FGF14: variants seen among roughly 807,000 people sequenced by gnomAD.
FGF14 encodes fibroblast growth factor homologous factor 4.
Under a neutral mutation model 25.5 loss-of-function variants are expected in FGF14, and 5 were observed. That is an observed-to-expected ratio of 0.20 (90% CI 0.10 to 0.41). The LOEUF (loss-of-function observed/expected upper bound fraction) is 0.41. Ranked by LOEUF, FGF14 falls within the 10% of genes least tolerant of loss-of-function variation. The pLI is 1.00. For missense variants in FGF14, 222 were observed against 320.1 expected (o/e 0.69, Z 2.34); for synonymous variants, 138 against 118.3 (o/e 1.17, Z -1.08).
intron 1 of FGF14, among the ~76,000 whole-genome samples, chr13:102,381,219 C>T (rs749714033): frequency 3.9e-5 from 6 of 152,178 alleles, no homozygotes; most frequent in Non-Finnish European, 8.8e-5. Flanking sequence ...AAGTCAGCAA[C>T]CATCTGTACA....
chr13:101,799,200 C>CT (rs1279510604), intron 3 of FGF14, among the ~76,000 whole-genome samples: 3 of 152,026 alleles, frequency 2.0e-5, no homozygotes, highest in Admixed American at 6.6e-5. Context: ...AGGTTGGAGA[C>CT]TTTTTTTCTC....
chr13:101,837,911 T>A (rs996717999), intron 3 of FGF14, among the ~76,000 whole-genome samples: 1 of 151,940 alleles, frequency 6.6e-6, no homozygotes, highest in Non-Finnish European at 1.5e-5. Flanking sequence ...CACTATCTAA[T>A]CAGTGGCCAG....
At chr13:102,063,281 A>T (rs552718497) in intron 1 of FGF14, among the ~76,000 whole-genome samples, 2 of 152,216 alleles carry the variant, frequency 1.3e-5, no homozygotes, top group Non-Finnish European at 2.9e-5. Context: ...ATTCCTATTT[A>T]TAACATCTAA....
At position 101,711,880 on chromosome 13, in the gene FGF14, A is replaced by T. The variant is rs1594001628; in HGVS notation, c.*10951T>A. ...GTGGTGATGAACTATCTGCCCTAAA[A>T]CTCCTGCCAAGATCAGCCAGCTGTT... On this transcript the variant is annotated 3_prime_UTR_variant, in exon 5 of 5. Coordinates refer to ENST00000376143, the MANE Select transcript of FGF14 (RefSeq NM_004115.4). 1 of 151,686 alleles carries T rather than the reference A, an allele frequency of 6.6e-6. No homozygotes were observed. The highest frequency in any genetic ancestry group is 1.5e-5 in the Non-Finnish European group (1 of 67,994). 9.4% of individuals were successfully genotyped at this position (151,686 alleles called of 1,614,324 possible).
intron 1 of FGF14, among the ~76,000 whole-genome samples, chr13:102,048,581 T>C (rs962679431): frequency 1.3e-5 from 2 of 152,156 alleles, no homozygotes; most frequent in Non-Finnish European, 2.9e-5. Flanking sequence ...AATCCAGAAT[T>C]AAGTTTCCAC....
chr13:102,006,253 T>C (rs1198991057), intron 1 of FGF14, among the ~76,000 whole-genome samples: 12 of 152,214 alleles, frequency 7.9e-5, no homozygotes, highest in Non-Finnish European at 1.8e-4. Flanking sequence ...AGAAAAATTG[T>C]TACAAAAAAC....
At chr13:102,333,576 T>C (rs970047211) in intron 1 of FGF14, among the ~76,000 whole-genome samples, 1 of 152,130 alleles carries the variant, frequency 6.6e-6, no homozygotes, top group African/African-American at 2.4e-5. Context: ...ACAAAGGCAA[T>C]GTCAGAGATA....
intron 3 of FGF14, among the ~76,000 whole-genome samples, chr13:101,801,228 T>C (rs940073724): frequency 4.6e-5 from 7 of 152,172 alleles, no homozygotes; most frequent in African/African-American, 1.7e-4. Flanking sequence ...AGGAAAGCTA[T>C]GAGGAACCAT....
intron 1 of FGF14, among the ~76,000 whole-genome samples, chr13:101,965,260 A>AAAC (rs1555329388): frequency 3.2e-4 from 49 of 150,782 alleles, no homozygotes; most frequent in Admixed American, 8.0e-4. Flanking sequence ...AAAAAAAAAA[A>AAAC]ACCTCCTCTT....
chr13:101,990,110 A>C (rs2038814531), intron 1 of FGF14, among the ~76,000 whole-genome samples: 1 of 152,156 alleles, frequency 6.6e-6, no homozygotes, highest in African/African-American at 2.4e-5. Context: ...ACAAACAAGA[A>C]AAACTCTAAT....
chr13:101,975,539 T>G (rs9585824), intron 1 of FGF14, among the ~76,000 whole-genome samples: 54,286 of 152,070 alleles, frequency 0.36, 10,332 homozygotes, highest in South Asian at 0.43. Flanking sequence ...CTCTGTTACA[T>G]GGTTTACCTG....
At chr13:102,032,137 C>A (rs966853939) in intron 1 of FGF14, among the ~76,000 whole-genome samples, 1 of 152,098 alleles carries the variant, frequency 6.6e-6, no homozygotes, top group African/African-American at 2.4e-5. Flanking sequence ...CTCCTCAGAC[C>A]AAACAGCCTG....
At chr13:102,093,541 T>C (rs529724465) in intron 1 of FGF14, among the ~76,000 whole-genome samples, 2 of 152,308 alleles carry the variant, frequency 1.3e-5, no homozygotes, top group South Asian at 4.1e-4. Context: ...GAGCAGGTCA[T>C]AACCCTGGTA....
chr13:101,938,665 C>A (rs1476808803), intron 1 of FGF14, among the ~76,000 whole-genome samples: 1 of 152,110 alleles, frequency 6.6e-6, no homozygotes, highest in East Asian at 1.9e-4. Flanking sequence ...CAAAGCTAAG[C>A]ACATTTTTAA....
chr13:102,256,140 G>A (rs926427270), intron 1 of FGF14, among the ~76,000 whole-genome samples: 28 of 152,034 alleles, frequency 1.8e-4, no homozygotes, highest in Admixed American at 5.9e-4. Flanking sequence ...ATAAAGGGAT[G>A]GTATGAGTTG....
intron 1 of FGF14, among the ~76,000 whole-genome samples, chr13:102,154,501 G>C (rs2047231330): frequency 6.6e-6 from 1 of 152,114 alleles, no homozygotes; most frequent in African/African-American, 2.4e-5. Flanking sequence ...TGCCCTAAAA[G>C]AGCTCCTGAA....
At chr13:101,771,885 CAAGTT>C (rs1401881979) in intron 3 of FGF14, among the ~76,000 whole-genome samples, 4 of 151,970 alleles carry the variant, frequency 2.6e-5, no homozygotes, top group South Asian at 2.1e-4. Flanking sequence ...GACAAACTCT[CAAGTT>C]AAGTACTTGT....
intron 1 of FGF14, among the ~76,000 whole-genome samples, chr13:102,142,127 C>A (rs1448749123): frequency 2.6e-5 from 4 of 152,148 alleles, no homozygotes; most frequent in African/African-American, 9.7e-5. Context: ...AGCAACATGG[C>A]AAAATGCCAC....
intron 3 of FGF14, among the ~76,000 whole-genome samples, chr13:101,787,370 G>A (rs528945131): frequency 3.9e-5 from 6 of 152,226 alleles, no homozygotes; most frequent in South Asian, 4.1e-4. Context: ...TGGATGAACC[G>A]CTGTTTTATC....
Sources: gnomAD v4.1 joint callset for allele counts (sites outside exome capture counted in the v4.1 genomes callset) on GRCh38, gnomAD v4.1.1 for gene constraint, MANE v1.5 for transcripts, NCBI Gene and HGNC (gene_info 2026-07-23, HGNC 2026-07-21) for gene names.